Variants in SHANK1 observed in about 807,000 individuals in gnomAD.
SHANK1 encodes the protein SH3 and multiple ankyrin repeat domains protein 1.
In SHANK1, 35 loss-of-function variants were observed where a neutral mutation model predicts 165.6. The ratio of observed to expected loss-of-function variants is 0.21; its 90% CI spans 0.16 to 0.28. The LOEUF (loss-of-function observed/expected upper bound fraction) is 0.28. Ranked by LOEUF, SHANK1 falls within the 10% of genes least tolerant of loss-of-function variation. The pLI is 1.00. For missense variants in SHANK1, 2,681 were observed against 3,036.4 expected (o/e 0.88, Z 2.75); for synonymous variants, 1,428 against 1,384.8 (o/e 1.03, Z -0.69).
At position 50,686,949 on chromosome 19, in the gene SHANK1, A is replaced by C. The variant is rs897991631; in HGVS notation, c.2390-137T>G. On this transcript the variant is annotated intron_variant, in intron 19 of 23. Transcript: ENST00000293441. The surrounding 1 kb of genome is among the most constrained non-coding windows in gnomAD (Gnocchi z 5.7). ...AGAGGGGCAGTGAGGGGCCGGGGTC[A>C]GGGAGGGGCGAGTCCGCCGGCGGGG... 1.6e-5 allele frequency: 19 copies of C among 1,207,626 alleles called. No homozygotes were observed. The highest frequency in any genetic ancestry group is 2.1e-5 in the Non-Finnish European group (19 of 912,698). The allele number at this position is 1,207,626 out of a possible 1,614,324, so 74.8% of individuals were successfully genotyped here.
In SHANK1 at chr19:50,669,153, G is replaced by A; in HGVS notation, c.2807C>T (p.Pro936Leu). The stretch of plus-strand genomic sequence containing the variant: ...GCGCCCTGAGGAGGAGGGGACTGGA[G>A]GTGTGCTGTAGGGAGGCTCCGGTGG... ...TSPPEPPYST[P>L]PVPSSSGRLT... The change falls in exon 23 of 24, where the codon CCT (proline) becomes CTT (leucine). Residue 936 changes from proline (P) to leucine (L), a missense_variant. This residue lies in a region of SHANK1 where 1,713 missense variants were observed against 1,630.2 expected (regional missense o/e 1.05). Transcript: ENST00000293441. 6.3e-7 allele frequency: 1 copy of A among 1,579,398 alleles called. No individual in the cohort carries two copies. The highest frequency in any genetic ancestry group is 8.6e-7 in the Non-Finnish European group (1 of 1,163,388).
intron 11 of SHANK1, 120 bp downstream of exon 11, chr19:50,703,380 T>G (rs1388035824): frequency 2.1e-5 from 17 of 821,104 alleles, no homozygotes; most frequent in Admixed American, 5.4e-5. Context: ...AAGGTGACAC[T>G]AGGGACTTGG....
Position 50,717,334 on chromosome 19 carries a change from A to G in SHANK1, c.-43-372T>C, listed in dbSNP as rs140959120. Among the ~76,000 whole-genome samples, 4 of 152,216 alleles carry G rather than the reference A, an allele frequency of 2.6e-5. No individual in the cohort carries two copies. The highest frequency in any genetic ancestry group is 9.6e-5 in the African/African-American group (4 of 41,460). On this transcript the variant is annotated intron_variant, in intron 1 of 23. Transcript: ENST00000293441. The surrounding 1 kb of genome is among the most constrained non-coding windows in gnomAD (Gnocchi z 5.5). The stretch of plus-strand genomic sequence containing the variant: ...ACAGAAAATGCAGCTAAAATTAGCT[A>G]AGGACAGACAGGTGGACAAACTGAC...
rs1189095373 is a variant in SHANK1 at position 50,661,134 on chromosome 19, G to A, written c.*831C>T. On this transcript the variant is annotated 3_prime_UTR_variant, in exon 24 of 24. Coordinates refer to ENST00000293441, the MANE Select transcript of SHANK1 (RefSeq NM_016148.5). ...CAGGGCACTCCAGAGAATGAATGAT[G>A]TGCATGGAGTCTGTGAGGGGGAGGG... Among the ~76,000 whole-genome samples, 1 of 152,122 alleles carries A rather than the reference G, an allele frequency of 6.6e-6. No individual in the cohort carries two copies. The highest frequency in any genetic ancestry group is 1.5e-5 in the Non-Finnish European group (1 of 68,024).
At chr19:50,704,257 G>T in intron 9 of SHANK1, 71 bp from the exon 10 acceptor site, 1 of 1,503,356 alleles carries the variant, frequency 6.7e-7, no homozygotes. Context: ...GGAACGTGGC[G>T]AGGTCCCTGG....
intron 21 of SHANK1, among the ~76,000 whole-genome samples, chr19:50,679,518 G>A (rs1203154462): frequency 1.3e-5 from 2 of 152,150 alleles, no homozygotes; most frequent in Non-Finnish European, 2.9e-5. Flanking sequence ...GGGAGCATTC[G>A]CTCCCGCGCA....
In SHANK1 at chr19:50,668,660, G is replaced by T; in HGVS notation, c.3300C>A (p.Ala1100=). 7.3e-7 allele frequency: 1 copy of T among 1,362,918 alleles called. No individual in the cohort carries two copies. The highest frequency in any genetic ancestry group is 3.2e-5 in the Admixed American group (1 of 31,072). 84.4% of individuals were successfully genotyped at this position (1,362,918 alleles called of 1,614,324 possible). The part of the protein sequence containing the change: ...RAASAAMYVP[A]RSGRGRKGPL... ...GGCCCTTGCGGCCGCGGCCCGAGCG[G>T]GCGGGCACGTACATGGCTGCGCTGG... The change falls in exon 23 of 24, where the codon GCC becomes GCA. Residue 1100 remains alanine, a synonymous_variant. Coordinates refer to ENST00000293441, the MANE Select transcript of SHANK1 (RefSeq NM_016148.5).
chr19:50,700,287 T>C (rs1456943225), intron 12 of SHANK1, among the ~76,000 whole-genome samples: 1 of 135,654 alleles, frequency 7.4e-6, no homozygotes, highest in Non-Finnish European at 1.6e-5. Context: ...ACTCGGGGCA[T>C]TGGAGGATTG....
Position 50,668,685 on chromosome 19 carries a change from G to C in SHANK1, c.3275C>G (p.Ala1092Gly). ...GGCGGGCACGTACATGGCTGCGCTG[G>C]CCGCCCGCGGGGGCAGCTGGAAATA... ...LRYFQLPPRA[A>G]SAAMYVPARS... is the part of the protein sequence containing the mutation. Residue 1092 changes from alanine (A) to glycine (G), a missense_variant, in exon 23 of 24, where the codon GCC (alanine) becomes GGC (glycine). By Grantham distance (60) the Ala-to-Gly change is moderately conservative. Around this residue, in one of 10 missense-constraint regions of SHANK1, gnomAD observed 1,713 missense variants for 1,630.2 expected, o/e 1.05. Transcript: ENST00000293441. 3 of 1,311,932 alleles carry C rather than the reference G, an allele frequency of 2.3e-6. No homozygotes were observed. Among genetic ancestry groups the C allele is most frequent in the Middle Eastern group, 2.9e-4 (1 of 3,500 alleles). 81.3% of individuals were successfully genotyped at this position (1,311,932 alleles called of 1,614,324 possible).
In SHANK1 at chr19:50,667,514, G is replaced by C; in HGVS notation, c.4446C>G (p.Pro1482=). ...GCAGCGGCAGCCGCTCGGGTTCTTCGGGGGCTGCGGACCTCCAGGGCTTGC... is the reference window on the plus strand; with the variant it reads ...GCAGCGGCAGCCGCTCGGGTTCTTCCGGGGCTGCGGACCTCCAGGGCTTGC... ...GVSKPWRSAA[P]EEPERLPLHV... The change falls in exon 23 of 24, where the codon CCC becomes CCG. Residue 1482 remains proline (P), a synonymous_variant. Coordinates refer to ENST00000293441, the MANE Select transcript of SHANK1 (RefSeq NM_016148.5). The surrounding 1 kb of genome is among the most constrained non-coding windows in gnomAD (Gnocchi z 5.7). 4.0e-6 allele frequency: 6 copies of C among 1,517,008 alleles called. No homozygotes were observed. The highest frequency in any genetic ancestry group is 1.9e-4 in the Middle Eastern group (1 of 5,384). 94.0% of individuals were successfully genotyped at this position (1,517,008 alleles called of 1,614,324 possible).
chr19:50,709,070 G>A (rs1315478938), intron 8 of SHANK1, among the ~76,000 whole-genome samples: 3 of 152,314 alleles, frequency 2.0e-5, no homozygotes, highest in Non-Finnish European at 1.5e-5. Context: ...GTTATGCATC[G>A]GTTTGTTAAG....
Position 50,703,800 on chromosome 19 carries a change from G to A in SHANK1, c.1253C>T (p.Ala418Val). The change falls in exon 11 of 24, where the codon GCC (alanine) becomes GTC (valine). Residue 418 changes from alanine (A) to valine (V), a missense_variant. By Grantham distance (64) the Ala-to-Val change is moderately conservative. This residue lies in a region of SHANK1 where 49 missense variants were observed against 55.6 expected (regional missense o/e 0.88). Transcript: ENST00000293441. ...TGTGCCTGGGGGCCCCCGTCGCCGG[G>A]CCGCGTACTTGGGGGACTCCTGGAA... is the stretch of plus-strand genomic sequence containing the variant. Reference protein sequence around the residue: ...VPFQESPKYAARRRGPPGTGL... With the variant: ...VPFQESPKYAVRRRGPPGTGL... 6 of 1,429,182 alleles carry A rather than the reference G, an allele frequency of 4.2e-6. No homozygotes were observed. The highest frequency in any genetic ancestry group is 5.5e-6 in the Non-Finnish European group (6 of 1,096,402). 88.5% of individuals were successfully genotyped at this position (1,429,182 alleles called of 1,614,324 possible). A position where few individuals can be genotyped will look rare whatever the true frequency, so the allele number is the denominator to read the frequency against.
Position 50,662,435 on chromosome 19 carries a change from C to G in SHANK1, c.6016G>C (p.Ala2006Pro), listed in dbSNP as rs376222896. The change falls in exon 24 of 24, where the codon GCC becomes CCC. Residue 2006 changes from alanine to proline, a missense_variant. By Grantham distance (27) the Ala-to-Pro change is conservative (BLOSUM62 -1). This residue lies in a region of SHANK1 where 1,713 missense variants were observed against 1,630.2 expected (regional missense o/e 1.05). Transcript: ENST00000293441. This position sits in a 1 kb window ranked among gnomAD's most constrained non-coding sequence, Gnocchi z 7.7. The part of the protein sequence containing the change: ...RRAPSPSLLP[A>P]SEHKVSPAPR... ...GCAGGGCTGACCTTGTGCTCCGAGG[C>G]GGGCAGCAGCGAGGGGCTGGGGGCC... 6.4e-7 allele frequency: 1 copy of G among 1,552,476 alleles called. No homozygotes were observed. Among genetic ancestry groups the G allele is most frequent in the Non-Finnish European group, 8.7e-7 (1 of 1,149,678 alleles).
chr19:50,695,436 CG>C, intron 15 of SHANK1, among the ~76,000 whole-genome samples: 1 of 80,904 alleles, frequency 1.2e-5, no homozygotes, highest in Middle Eastern at 4.9e-3. Context: ...GAGGGGAACG[CG>C]GGGGCCCCCT....
rs2089092435 is a variant in SHANK1, at chr19:50,718,338, G to C, written c.-44+1068C>G. Among the ~76,000 whole-genome samples, 1 of 151,976 alleles carries C rather than the reference G, an allele frequency of 6.6e-6. No individual in the cohort carries two copies. Among genetic ancestry groups the C allele is most frequent in the African/African-American group, 2.4e-5 (1 of 41,376 alleles). On this transcript the variant is annotated intron_variant, in intron 1 of 23. Coordinates refer to ENST00000293441, the MANE Select transcript of SHANK1 (RefSeq NM_016148.5). This position sits in a 1 kb window ranked among gnomAD's most constrained non-coding sequence, Gnocchi z 5.1. ...TGCCTCCTCCCTGCCCCGCCGCACA[G>C]CCCACCTCGCGATCTGGGGCCCGCA...
At chr19:50,699,793 G>A (rs751943817) in intron 12 of SHANK1, among the ~76,000 whole-genome samples, 6 of 151,956 alleles carry the variant, frequency 3.9e-5, no homozygotes, top group Non-Finnish European at 8.8e-5. Context: ...TGGAGGGCTT[G>A]GGGCTTTGGG....
In SHANK1 at chr19:50,717,289, C is replaced by T. The variant is rs1050253344; in HGVS notation, c.-43-327G>A. Among the ~76,000 whole-genome samples, 6 of 152,236 alleles carry T rather than the reference C, an allele frequency of 3.9e-5. No homozygotes were observed. Among genetic ancestry groups the T allele is most frequent in the African/African-American group, 1.4e-4 (6 of 41,460 alleles). On this transcript the variant is annotated intron_variant, in intron 1 of 23. Coordinates refer to ENST00000293441, the MANE Select transcript of SHANK1 (RefSeq NM_016148.5). The surrounding 1 kb of genome is among the most constrained non-coding windows in gnomAD (Gnocchi z 5.5). ...AACCGCAGAATCACCGCGGGAGCTA[C>T]TGGCCCACTTTGCCAGGCCACAGAA...
rs2089037052 is a variant in SHANK1, at chr19:50,713,814, T to C, written c.776A>G (p.His259Arg). 6.2e-7 allele frequency: 1 copy of C among 1,613,298 alleles called. No individual in the cohort carries two copies. The highest frequency in any genetic ancestry group is 2.2e-5 in the East Asian group (1 of 44,884). Reference sequence around the variant, plus strand: ...AAGCCTCACCGTGAGTGCCAGGCAGTGTCGGGCGCATGCGGCCTTATGCAG... The same window carrying C: ...AAGCCTCACCGTGAGTGCCAGGCAGCGTCGGGCGCATGCGGCCTTATGCAG... Reference protein sequence around the residue: ...TALHKAACARHCLALTALLDL... With the variant: ...TALHKAACARRCLALTALLDL... The change falls in exon 6 of 24, where the codon CAC becomes CGC. Residue 259 changes from histidine to arginine, a missense_variant. Transcript: ENST00000293441. This position sits in a 1 kb window ranked among gnomAD's most constrained non-coding sequence, Gnocchi z 6.2.
intron 21 of SHANK1, among the ~76,000 whole-genome samples, chr19:50,676,807 T>G (rs79015871): frequency 6.6e-6 from 1 of 152,204 alleles, no homozygotes; most frequent in Non-Finnish European, 1.5e-5. Context: ...CAGCTTCCTT[T>G]GCAGCTAGGT....
Sources: gnomAD v4.1 joint callset for allele counts (sites outside exome capture counted in the v4.1 genomes callset) on GRCh38, gnomAD v4.1.1 for gene constraint, gnomAD v4.1.1 regional missense constraint, Gnocchi (gnomAD v3.1) non-coding constraint, MANE v1.5 for transcripts, NCBI Gene and HGNC (gene_info 2026-07-23, HGNC 2026-07-21) for gene names.